LRP1B: variants seen among roughly 807,000 people sequenced by gnomAD.
LRP1B encodes the protein LDL receptor related protein 1B.
In LRP1B, 217 loss-of-function variants were observed where a neutral mutation model predicts 556.6. The observed-to-expected ratio is 0.39, with a 90% confidence interval of 0.35 to 0.44. The LOEUF is 0.44. Ranked by LOEUF, LRP1B falls within the 20% of genes least tolerant of loss-of-function variation. The pLI is 1.00. For synonymous variants in LRP1B, 2,047 were observed against 1,865.8 expected (o/e 1.10, Z -2.50); for missense variants, 5,053 against 5,620.8 (o/e 0.90, Z 3.23).
chr2:141,142,765 C>G (rs1214594407), intron 7 of LRP1B, among the ~76,000 whole-genome samples: 1 of 151,890 alleles, frequency 6.6e-6, no homozygotes, highest in African/African-American at 2.4e-5. Flanking sequence ...CCTGCTTCTC[C>G]TACATTTTAC....
At chr2:141,818,441 T>G (rs1288032907) in intron 1 of LRP1B, among the ~76,000 whole-genome samples, 1 of 152,142 alleles carries the variant, frequency 6.6e-6, no homozygotes, top group Non-Finnish European at 1.5e-5. Context: ...TTCTAAATAC[T>G]TTCTTCTACT....
chr2:140,668,514 T>C (rs2105353624), intron 41 of LRP1B, among the ~76,000 whole-genome samples: 1 of 152,160 alleles, frequency 6.6e-6, no homozygotes, highest in South Asian at 2.1e-4. Flanking sequence ...AATTAGACGA[T>C]ACTCAGCTTA....
chr2:141,210,069 G>GAA (rs72137174), intron 6 of LRP1B, among the ~76,000 whole-genome samples: 107 of 147,280 alleles, frequency 7.3e-4, no homozygotes, highest in East Asian at 5.7e-3. Flanking sequence ...GTTACAGCCT[G>GAA]AAAAAAAAAA....
intron 41 of LRP1B, among the ~76,000 whole-genome samples, chr2:140,660,193 C>CT (rs545619110): frequency 1.2e-3 from 185 of 151,738 alleles, no homozygotes; most frequent in Non-Finnish European, 2.3e-3. Flanking sequence ...TTTAAAGTAA[C>CT]TTTTTCTGGG....
intron 66 of LRP1B, among the ~76,000 whole-genome samples, chr2:140,396,639 C>G (rs1684271628): frequency 1.3e-5 from 2 of 151,966 alleles, no homozygotes; most frequent in Admixed American, 6.6e-5. Context: ...CAAATAGTAA[C>G]TAGTAAGAGT....
intron 1 of LRP1B, among the ~76,000 whole-genome samples, chr2:141,825,809 A>G (rs1020373349): frequency 2.0e-5 from 3 of 152,206 alleles, no homozygotes; most frequent in Non-Finnish European, 4.4e-5. Context: ...TTTAATATTA[A>G]CAGAAAATTA....
At chr2:141,701,410 C>A (rs1294238919) in intron 2 of LRP1B, among the ~76,000 whole-genome samples, 2 of 151,822 alleles carry the variant, frequency 1.3e-5, no homozygotes, top group African/African-American at 4.8e-5. Context: ...ATCACAAGAA[C>A]AACTCAGCAT....
intron 2 of LRP1B, among the ~76,000 whole-genome samples, chr2:141,650,779 A>AT (rs1689756501): frequency 6.6e-6 from 1 of 150,714 alleles, no homozygotes; most frequent in Non-Finnish European, 1.5e-5. Context: ...AAACCAGGCT[A>AT]TAGAATATAA....
chr2:140,875,264 C>A (rs187005196), intron 25 of LRP1B, among the ~76,000 whole-genome samples: 375 of 152,252 alleles, frequency 2.5e-3, no homozygotes, highest in Non-Finnish European at 2.8e-3. Context: ...ATAAATTAAT[C>A]ACTAAAGTCA....
intron 8 of LRP1B, among the ~76,000 whole-genome samples, chr2:141,061,264 G>A (rs918080885): frequency 6.6e-6 from 1 of 151,708 alleles, no homozygotes; most frequent in African/African-American, 2.4e-5. Context: ...AAGCTGATTA[G>A]AAAGTAAAAG....
chr2:141,515,683 A>C (rs1344638318), intron 2 of LRP1B, among the ~76,000 whole-genome samples: 2 of 152,202 alleles, frequency 1.3e-5, no homozygotes, highest in Admixed American at 1.3e-4. Context: ...CTACTCATAA[A>C]GATATGTATG....
intron 3 of LRP1B, among the ~76,000 whole-genome samples, chr2:141,390,795 C>T (rs1462869005): frequency 6.6e-6 from 1 of 152,158 alleles, no homozygotes; most frequent in African/African-American, 2.4e-5. Flanking sequence ...GAATGAAGAA[C>T]AAGTGCGCAA....
In LRP1B at chr2:140,557,994, C is replaced by T. The variant is rs138031896; in HGVS notation, c.7195-16023G>A. ...AATATCACCTGATGCATATTAGGCG[C>T]TCAACAAATACTTGTTGAACAAAAG... On this transcript the variant is annotated intron_variant, in intron 43 of 90. Coordinates refer to ENST00000389484, the MANE Select transcript of LRP1B (RefSeq NM_018557.3). 4.5e-4 allele frequency among the ~76,000 whole-genome samples: 68 copies of T among 152,242 alleles called. 1 individual carries two copies. The East Asian group carries it at 0.012, about 26-fold the overall frequency.
intron 41 of LRP1B, among the ~76,000 whole-genome samples, chr2:140,650,367 GAGA>G (rs1684638652): frequency 2.0e-5 from 3 of 147,172 alleles, no homozygotes; most frequent in Non-Finnish European, 4.5e-5. Context: ...ATTTATTTTT[GAGA>G]AGGAGTCTCA....
intron 7 of LRP1B, among the ~76,000 whole-genome samples, chr2:141,095,930 C>A (rs1700287457): frequency 6.6e-6 from 1 of 152,076 alleles, no homozygotes; most frequent in Non-Finnish European, 1.5e-5. Context: ...TAAGAGATAT[C>A]AAACAATTGT....
chr2:140,792,515 A>G (rs1690158508), intron 32 of LRP1B, among the ~76,000 whole-genome samples: 1 of 152,192 alleles, frequency 6.6e-6, no homozygotes, highest in Non-Finnish European at 1.5e-5. Flanking sequence ...TGCCTAGGAA[A>G]TATTAACTTC....
chr2:140,491,819 G>T (rs1245723693), intron 57 of LRP1B, among the ~76,000 whole-genome samples: 1 of 152,050 alleles, frequency 6.6e-6, no homozygotes, highest in Non-Finnish European at 1.5e-5. Flanking sequence ...ATTAAAGAAA[G>T]AAGTAGTGTG....
intron 2 of LRP1B, among the ~76,000 whole-genome samples, chr2:141,549,229 C>T (rs144878262): frequency 6.6e-6 from 1 of 152,114 alleles, no homozygotes; most frequent in African/African-American, 2.4e-5. Flanking sequence ...ATCCACATCC[C>T]AAAAATGGAG....
rs754937741 is a variant in LRP1B at position 140,495,710 on chromosome 2, G to C, written c.8889C>G (p.Gly2963=). Residue 2963 remains glycine (G), a synonymous_variant, in exon 56 of 91, where the codon GGC becomes GGG. Transcript: ENST00000389484. ...ATTCATCAATGTCTACACATGTTTT[G>C]CCGTCATCCTTCAGTTGGAATCCAG... The part of the protein sequence containing the change: ...CWPGFQLKDD[G]KTCVDIDECS... 6.2e-7 allele frequency: 1 copy of C among 1,611,466 alleles called. No individual in the cohort carries two copies. The highest frequency in any genetic ancestry group is 8.5e-7 in the Non-Finnish European group (1 of 1,177,850).
Sources: gnomAD v4.1 joint callset for allele counts (sites outside exome capture counted in the v4.1 genomes callset) on GRCh38, gnomAD v4.1.1 for gene constraint, MANE v1.5 for transcripts, NCBI Gene and HGNC (gene_info 2026-07-23, HGNC 2026-07-21) for gene names.